ANKRD11: variants seen among roughly 807,000 people sequenced by gnomAD.
ANKRD11 encodes ankyrin repeat domain 11.
A neutral mutation model predicts 195.7 loss-of-function variants in ANKRD11; 17 were observed. That is an observed-to-expected ratio of 0.09 (90% confidence interval 0.06 to 0.13). ANKRD11 has a LOEUF of 0.13. ANKRD11 is among the 10% of genes least tolerant of loss of function. The pLI is 1.00. For synonymous variants in ANKRD11, 1,953 were observed against 1,528.1 expected (o/e 1.28, Z -6.49); for missense variants, 3,735 against 3,566.1 (o/e 1.05, Z -1.21).
chr16:89,475,658 CAACA>C (rs1367937605), intron 1 of ANKRD11, among the ~76,000 whole-genome samples: 2 of 152,186 alleles, frequency 1.3e-5, no homozygotes, highest in Non-Finnish European at 2.9e-5. Flanking sequence ...AGCAAGTCAA[CAACA>C]AACAATTACA....
intron 2 of ANKRD11, among the ~76,000 whole-genome samples, chr16:89,401,627 G>A (rs898806965): frequency 6.6e-6 from 1 of 152,018 alleles, no homozygotes; most frequent in Non-Finnish European, 1.5e-5. Flanking sequence ...CCCCAAGAAT[G>A]GTATGTTGAA....
At chr16:89,461,701 A>G (rs2056676460) in intron 1 of ANKRD11, among the ~76,000 whole-genome samples, 1 of 152,216 alleles carries the variant, frequency 6.6e-6, no homozygotes, top group Non-Finnish European at 1.5e-5. Context: ...ATTACTAACT[A>G]TGCCATCTTA....
At chr16:89,320,526 G>A (rs1078578) in intron 2 of ANKRD11, among the ~76,000 whole-genome samples, 103,588 of 152,012 alleles carry the variant, frequency 0.68, 35,383 homozygotes, top group Middle Eastern at 0.77. Flanking sequence ...GGCCCTGACC[G>A]CCCCCAGGCC....
chr16:89,432,272 CACA>C (rs1567797177), intron 1 of ANKRD11, among the ~76,000 whole-genome samples: 2 of 151,132 alleles, frequency 1.3e-5, no homozygotes, highest in African/African-American at 2.5e-5. Context: ...CACACACACA[CACA>C]CACCCCTGGA....
At chr16:89,469,027 G>C (rs1182359971) in intron 1 of ANKRD11, among the ~76,000 whole-genome samples, 3 of 152,106 alleles carry the variant, frequency 2.0e-5, no homozygotes, top group Non-Finnish European at 2.9e-5. Flanking sequence ...ACCTCATAAA[G>C]TGCCTTTATG....
chr16:89,469,482 C>T (rs969085660), intron 1 of ANKRD11, among the ~76,000 whole-genome samples: 1 of 151,998 alleles, frequency 6.6e-6, no homozygotes, highest in Non-Finnish European at 1.5e-5. Flanking sequence ...CTTGGCCTCC[C>T]GAAGTGCTAG....
At chr16:89,271,731 T>C (rs2033174189) in intron 11 of ANKRD11, 1 of 152,138 alleles carries the variant, frequency 6.6e-6, no homozygotes, top group South Asian at 2.1e-4. Context: ...TCTCGCCACA[T>C]ACAAACATCA....
chr16:89,437,514 C>T (rs898906839), intron 1 of ANKRD11, among the ~76,000 whole-genome samples: 10 of 152,124 alleles, frequency 6.6e-5, no homozygotes, highest in African/African-American at 2.4e-4. Flanking sequence ...CCTCACTTCC[C>T]AGCATGCCAC....
In ANKRD11 at chr16:89,326,879, G is replaced by A. The variant is rs560683070; in HGVS notation, c.-59-9801C>T. Among the ~76,000 whole-genome samples, 10 of 152,316 alleles carry A rather than the reference G, an allele frequency of 6.6e-5. No homozygotes were observed. The East Asian group carries it at 9.7e-4, about 15-fold the overall frequency. ...CCGCCAGGGGCTGCTGGTGGCATCC[G>A]GGCACATCTGCACGTGGGGCTGACA... is the stretch of plus-strand genomic sequence containing the variant. On this transcript the variant is annotated intron_variant, in intron 2 of 12. Transcript: ENST00000301030.
intron 1 of ANKRD11, among the ~76,000 whole-genome samples, chr16:89,467,863 T>C (rs1386816861): frequency 6.6e-6 from 1 of 152,090 alleles, no homozygotes; most frequent in Non-Finnish European, 1.5e-5. Flanking sequence ...TGGAGTGGCG[T>C]GATCTCAGCT....
intron 1 of ANKRD11, among the ~76,000 whole-genome samples, chr16:89,427,258 CG>C (rs1425699991): frequency 6.6e-6 from 1 of 152,082 alleles, no homozygotes; most frequent in Non-Finnish European, 1.5e-5. Flanking sequence ...TGAAAGAAAC[CG>C]AAGACCTAAA....
intron 1 of ANKRD11, among the ~76,000 whole-genome samples, chr16:89,462,050 C>T (rs1001361208): frequency 3.4e-3 from 129 of 37,946 alleles, no homozygotes; most frequent in African/African-American, 8.1e-3. Flanking sequence ...CCCTCTCCCC[C>T]TCTCCCTCTC....
chr16:89,355,900 C>T (rs1423484357), intron 2 of ANKRD11, among the ~76,000 whole-genome samples: 1 of 152,142 alleles, frequency 6.6e-6, no homozygotes, highest in African/African-American at 2.4e-5. Flanking sequence ...GGTGCTCCCC[C>T]CAGCACAGCT....
At position 89,285,662 on chromosome 16, in the gene ANKRD11, G is replaced by A. The variant is rs548615548; in HGVS notation, c.893-13C>T. On this transcript the variant is annotated splice_polypyrimidine_tract_variant and intron_variant, in intron 8 of 12. Coordinates refer to ENST00000301030, the MANE Select transcript of ANKRD11 (RefSeq NM_013275.6). The surrounding 1 kb of genome is among the most constrained non-coding windows in gnomAD (Gnocchi z 5.6). ...TCTTCTGAGCTCTCTGTTGGAGGTAGGAAGCGAGAGGTCACAGGCAGGCTC... is the reference window on the plus strand; with the variant it reads ...TCTTCTGAGCTCTCTGTTGGAGGTAAGAAGCGAGAGGTCACAGGCAGGCTC... 6.4e-5 allele frequency: 104 copies of A among 1,613,908 alleles called. 4 individuals carry two copies. The South Asian group carries it at 1.1e-3, about 17-fold the overall frequency.
intron 1 of ANKRD11, among the ~76,000 whole-genome samples, chr16:89,474,175 A>G (rs2057180006): frequency 6.6e-6 from 1 of 152,180 alleles, no homozygotes; most frequent in South Asian, 2.1e-4. Flanking sequence ...CGAGCCTCTG[A>G]TAAGATCACA....
At chr16:89,379,289 A>G (rs2040547614) in intron 2 of ANKRD11, among the ~76,000 whole-genome samples, 1 of 152,212 alleles carries the variant, frequency 6.6e-6, no homozygotes, top group Non-Finnish European at 1.5e-5. Flanking sequence ...TCTCACAAAG[A>G]CCTTGTGCCA....
intron 1 of ANKRD11, among the ~76,000 whole-genome samples, chr16:89,424,718 G>C (rs1234861427): frequency 6.6e-6 from 1 of 152,178 alleles, no homozygotes; most frequent in Non-Finnish European, 1.5e-5. Flanking sequence ...GGTTCTCAGG[G>C]GTTAGGGACC....
chr16:89,276,587 G>A (rs1048377532), intron 9 of ANKRD11, among the ~76,000 whole-genome samples: 1 of 152,174 alleles, frequency 6.6e-6, no homozygotes, highest in Non-Finnish European at 1.5e-5. Flanking sequence ...ACACTGCCCA[G>A]AAGCTCCCAG....
intron 1 of ANKRD11, among the ~76,000 whole-genome samples, chr16:89,484,594 C>G (rs1243242886): frequency 1.3e-5 from 2 of 152,186 alleles, no homozygotes; most frequent in African/African-American, 4.8e-5. Context: ...GGAAGGGCAA[C>G]TTACTATCAA....
Sources: allele counts gnomAD v4.1 joint callset (sites outside exome capture counted in the v4.1 genomes callset), GRCh38; gene constraint gnomAD v4.1.1; non-coding constraint Gnocchi (gnomAD v3.1); transcripts MANE v1.5; gene names NCBI Gene and HGNC (gene_info 2026-07-23, HGNC 2026-07-21).